PTPRG: variants seen among roughly 807,000 people sequenced by gnomAD.
PTPRG encodes the protein protein tyrosine phosphatase receptor type G.
In PTPRG, 102 loss-of-function variants were observed where a neutral mutation model predicts 165.3. The observed-to-expected ratio is 0.62, with a 90% CI of 0.53 to 0.73. PTPRG has a LOEUF of 0.73. PTPRG is among the 30% of genes least tolerant of loss of function. The pLI is 0.00. For synonymous variants in PTPRG, 675 were observed against 669.5 expected, an observed-to-expected ratio of 1.01 and a Z score of -0.13; for missense variants, 1,866 against 1,861.4, an observed-to-expected ratio of 1.00 and a Z score of -0.05.
intron 16 of PTPRG, among the ~76,000 whole-genome samples, chr3:62,258,117 C>G (rs998733522): frequency 6.6e-6 from 1 of 152,120 alleles, no homozygotes; most frequent in African/African-American, 2.4e-5. Context: ...ACCCCCCCCA[C>G]TAGGAGTATT....
chr3:61,728,707 TTAG>T (rs2032363431), intron 1 of PTPRG, among the ~76,000 whole-genome samples: 1 of 152,026 alleles, frequency 6.6e-6, no homozygotes, highest in Non-Finnish European at 1.5e-5. Context: ...ATTTTATATC[TTAG>T]GTGCTCTAAC....
chr3:61,958,351 T>A, intron 2 of PTPRG, among the ~76,000 whole-genome samples: 1 of 152,088 alleles, frequency 6.6e-6, no homozygotes, highest in Non-Finnish European at 1.5e-5. Context: ...GTCAGGCTGG[T>A]CTCAAACTCC....
rs565919070 is a variant in PTPRG, at chr3:61,665,407, A to C, written c.86-83471A>C. Among the ~76,000 whole-genome samples, 3 of 151,960 alleles carry C rather than the reference A, an allele frequency of 2.0e-5. No homozygotes were observed. In the South Asian group the frequency reaches 6.2e-4, roughly 32 times the overall value. On this transcript the variant is annotated intron_variant, in intron 1 of 29. Coordinates refer to ENST00000474889, the MANE Select transcript of PTPRG (RefSeq NM_002841.4). ...TATGGAGGCTCAGAGTTATCTTGCA[A>C]GTCTGGGCCAAGTTGTAACTTGAAA...
intron 1 of PTPRG, among the ~76,000 whole-genome samples, chr3:61,717,254 T>G (rs2031848532): frequency 6.6e-6 from 1 of 152,204 alleles, no homozygotes; most frequent in Non-Finnish European, 1.5e-5. Flanking sequence ...TGGTTACAAT[T>G]TATTCATGCT....
intron 2 of PTPRG, among the ~76,000 whole-genome samples, chr3:61,957,052 G>A (rs75632330): frequency 0.066 from 10,099 of 152,182 alleles, 831 homozygotes; most frequent in African/African-American, 0.2. Flanking sequence ...AATCACTACA[G>A]ATAAAAACTT....
chr3:61,736,759 G>A (rs942596399), intron 1 of PTPRG, among the ~76,000 whole-genome samples: 39 of 152,030 alleles, frequency 2.6e-4, no homozygotes, highest in Admixed American at 1.4e-3. Flanking sequence ...GCTCTTGCCC[G>A]CCTCCCTCCA....
intron 1 of PTPRG, among the ~76,000 whole-genome samples, chr3:61,707,758 G>A (rs1403411867): frequency 6.6e-6 from 1 of 152,122 alleles, no homozygotes; most frequent in Non-Finnish European, 1.5e-5. Context: ...TACCGTCATA[G>A]TATTTAAGGA....
chr3:62,292,327 T>G (rs1702925843), intron 28 of PTPRG, 94 bp from the exon 29 acceptor site: 13 of 1,351,674 alleles, frequency 9.6e-6, no homozygotes, highest in Non-Finnish European at 1.2e-5. Context: ...AACAGTCTAC[T>G]TAGTTTCTAT....
At chr3:61,859,817 T>C (rs1478982379) in intron 2 of PTPRG, among the ~76,000 whole-genome samples, 1 of 152,130 alleles carries the variant, frequency 6.6e-6, no homozygotes, top group East Asian at 1.9e-4. Context: ...ATTTAAACTG[T>C]GTGGTAATTA....
chr3:62,209,083 TATTA>T (rs1183419116), intron 12 of PTPRG, among the ~76,000 whole-genome samples: 1 of 152,226 alleles, frequency 6.6e-6, no homozygotes, highest in Non-Finnish European at 1.5e-5. Flanking sequence ...TCAGATGCAG[TATTA>T]ATTAAGTGAA....
chr3:61,565,296 G>A (rs1699883232), intron 1 of PTPRG, among the ~76,000 whole-genome samples: 1 of 152,154 alleles, frequency 6.6e-6, no homozygotes, highest in Non-Finnish European at 1.5e-5. Context: ...CAAGTGCAAA[G>A]CTAAGAGTGT....
At chr3:62,012,369 C>T (rs1252412976) in intron 4 of PTPRG, among the ~76,000 whole-genome samples, 1 of 152,158 alleles carries the variant, frequency 6.6e-6, no homozygotes, top group African/African-American at 2.4e-5. Context: ...ACCGCTGATG[C>T]AGTAGGTAGA....
At chr3:61,948,283 C>G (rs149862114) in intron 2 of PTPRG, among the ~76,000 whole-genome samples, 1,606 of 152,208 alleles carry the variant, frequency 0.011, 29 homozygotes, top group African/African-American at 0.037. Context: ...CGAGATCGCT[C>G]CATTGCATTC....
chr3:61,609,468 G>A (rs376014581), intron 1 of PTPRG, among the ~76,000 whole-genome samples: 5 of 152,126 alleles, frequency 3.3e-5, no homozygotes, highest in African/African-American at 1.2e-4. Flanking sequence ...ACAGTTTCAG[G>A]TTCTTAAGAG....
chr3:61,986,781 T>G (rs1355594593), intron 2 of PTPRG, among the ~76,000 whole-genome samples: 1 of 152,192 alleles, frequency 6.6e-6, no homozygotes, highest in Non-Finnish European at 1.5e-5. Context: ...AAAGAGTCAG[T>G]AAGAGGAAAC....
chr3:61,832,168 A>G (rs1282475804), intron 2 of PTPRG, among the ~76,000 whole-genome samples: 2 of 152,202 alleles, frequency 1.3e-5, no homozygotes, highest in African/African-American at 4.8e-5. Flanking sequence ...ATGAATTCAC[A>G]TTTCCATTTA....
intron 2 of PTPRG, among the ~76,000 whole-genome samples, chr3:61,929,310 T>G (rs531724720): frequency 6.6e-6 from 1 of 152,172 alleles, no homozygotes; most frequent in South Asian, 2.1e-4. Context: ...ATTATAAAAT[T>G]TTTAGCTACT....
chr3:61,900,904 G>T (rs1235428408), intron 2 of PTPRG, among the ~76,000 whole-genome samples: 1 of 152,088 alleles, frequency 6.6e-6, no homozygotes, highest in Non-Finnish European at 1.5e-5. Context: ...CTAACCTCAC[G>T]AAGCCTCCAT....
At chr3:62,113,851 C>G (rs1702759827) in intron 5 of PTPRG, among the ~76,000 whole-genome samples, 1 of 152,188 alleles carries the variant, frequency 6.6e-6, no homozygotes, top group South Asian at 2.1e-4. Flanking sequence ...ATAGTTGACA[C>G]TAAATGGCGG....
Sources: gnomAD v4.1 joint callset for allele counts (sites outside exome capture counted in the v4.1 genomes callset) on GRCh38, gnomAD v4.1.1 for gene constraint, MANE v1.5 for transcripts, NCBI Gene and HGNC (gene_info 2026-07-23, HGNC 2026-07-21) for gene names.